The following ZNF385D variants were observed in gnomAD, a reference collection of about 807,000 sequenced individuals.
ZNF385D encodes the protein zinc finger protein 659.
A neutral mutation model predicts 35.8 loss-of-function variants in ZNF385D; 15 were observed. That is an observed-to-expected ratio of 0.42 (90% CI 0.28 to 0.64). ZNF385D has a LOEUF of 0.64. Ranked by LOEUF, ZNF385D falls within the 30% of genes least tolerant of loss-of-function variation. The probability of loss-of-function intolerance (pLI) is 0.23; values close to 1 mark genes in which losing one functional copy is unlikely to be tolerated. For synonymous variants in ZNF385D, 212 were observed against 186.8 expected, an observed-to-expected ratio of 1.13 and a Z score of -1.10; for missense variants, 474 against 494.6, an observed-to-expected ratio of 0.96 and a Z score of 0.39.
At chr3:22,008,412 G>A (rs1696356423) in intron 3 of ZNF385D, among the ~76,000 whole-genome samples, 1 of 142,026 alleles carries the variant, frequency 7.0e-6, no homozygotes, top group Non-Finnish European at 1.5e-5. Context: ...GAGTGCAGTG[G>A]CCCGATCTCG....
chr3:21,750,909 T>C lies in ZNF385D; in HGVS notation c.8A>G (p.Asn3Ser), dbSNP rs1337413591. MR[N>S]IMYFGGTCQS... is the part of the protein sequence containing the mutation. ...TGAACACTCACCAAAATACATTATG[T>C]TTCTCATTAATCAGACAGCTGGAAT... The change falls in exon 1 of 8, where the codon AAC becomes AGC. Residue 3 changes from asparagine to serine, a missense_variant. Transcript: ENST00000281523. 6.2e-7 allele frequency: 1 copy of C among 1,614,120 alleles called. No homozygotes were observed. The highest frequency in any genetic ancestry group is 1.7e-4 in the Middle Eastern group (1 of 6,060).
intron 3 of ZNF385D, among the ~76,000 whole-genome samples, chr3:21,968,409 T>A (rs149367154): frequency 1.2e-4 from 18 of 152,140 alleles, no homozygotes; most frequent in Non-Finnish European, 2.5e-4. Context: ...GAGGTACACA[T>A]GACCTAGTGA....
chr3:21,810,189 A>T (rs755292815), intron 3 of ZNF385D, among the ~76,000 whole-genome samples: 3 of 152,224 alleles, frequency 2.0e-5, no homozygotes, highest in Non-Finnish European at 4.4e-5. Context: ...AGAAAAATAC[A>T]TCATGATCAA....
intron 1 of ZNF385D, among the ~76,000 whole-genome samples, chr3:21,742,700 C>A (rs2069577366): frequency 6.6e-6 from 1 of 152,174 alleles, no homozygotes; most frequent in South Asian, 2.1e-4. Context: ...TGGGCCCTGG[C>A]CTTCAGGAGT....
chr3:21,629,351 A>G (rs912917743), intron 2 of ZNF385D, among the ~76,000 whole-genome samples: 2 of 152,122 alleles, frequency 1.3e-5, no homozygotes, highest in Admixed American at 6.6e-5. Context: ...AGCATTCTAT[A>G]AAAATTGACT....
chr3:21,584,180 G>C (rs1032215514), intron 2 of ZNF385D, among the ~76,000 whole-genome samples: 1 of 144,718 alleles, frequency 6.9e-6, no homozygotes, highest in Non-Finnish European at 1.6e-5. Flanking sequence ...CACCATCTCA[G>C]TTTGGCCAGG....
chr3:22,312,236 A>G (rs1441819978), intron 2 of ZNF385D, among the ~76,000 whole-genome samples: 1 of 152,142 alleles, frequency 6.6e-6, no homozygotes, highest in Non-Finnish European at 1.5e-5. Flanking sequence ...AACACTGAGG[A>G]AAAAAATAGA....
intron 2 of ZNF385D, among the ~76,000 whole-genome samples, chr3:21,643,233 AG>A (rs2065657386): frequency 6.6e-6 from 1 of 152,200 alleles, no homozygotes; most frequent in Admixed American, 6.5e-5. Context: ...TGCTCATGTA[AG>A]AGCTAATTTT....
intron 3 of ZNF385D, among the ~76,000 whole-genome samples, chr3:21,916,712 G>A (rs1376165053): frequency 1.3e-5 from 2 of 152,116 alleles, no homozygotes; most frequent in Non-Finnish European, 2.9e-5. Flanking sequence ...TTTTGGAAAA[G>A]GTCTGCCACA....
chr3:21,726,103 G>C (rs2068753196), intron 1 of ZNF385D, among the ~76,000 whole-genome samples: 2 of 151,984 alleles, frequency 1.3e-5, no homozygotes, highest in South Asian at 2.1e-4. Flanking sequence ...TAGATGTAGA[G>C]AAGGCCTTCG....
At chr3:21,468,281 A>G (rs906050674) in intron 4 of ZNF385D, among the ~76,000 whole-genome samples, 2 of 151,186 alleles carry the variant, frequency 1.3e-5, no homozygotes, top group Admixed American at 6.6e-5. Context: ...GGGCACCTGT[A>G]GTCCCAGCTA....
intron 2 of ZNF385D, among the ~76,000 whole-genome samples, chr3:22,301,606 T>C (rs1702905758): frequency 6.6e-6 from 1 of 152,038 alleles, no homozygotes; most frequent in Non-Finnish European, 1.5e-5. Context: ...GTAAAAACGT[T>C]CAGACATACA....
intron 2 of ZNF385D, among the ~76,000 whole-genome samples, chr3:22,340,765 A>G (rs763208795): frequency 6.6e-6 from 1 of 152,230 alleles, no homozygotes; most frequent in Admixed American, 6.5e-5. Context: ...TATGACCAGC[A>G]TAAGTAATTA....
intron 1 of ZNF385D, among the ~76,000 whole-genome samples, chr3:21,677,692 T>C (rs9820426): frequency 0.11 from 16,374 of 152,016 alleles, 980 homozygotes; most frequent in East Asian, 0.19. Context: ...AAAGCAGTCC[T>C]AATTTCAAAT....
intron 3 of ZNF385D, among the ~76,000 whole-genome samples, chr3:22,099,314 A>G (rs1048918924): frequency 6.6e-6 from 1 of 152,108 alleles, no homozygotes; most frequent in African/African-American, 2.4e-5. Context: ...TAACTTGAGG[A>G]AAGGGCTGAA....
chr3:21,559,721 G>A (rs565126159), intron 3 of ZNF385D, among the ~76,000 whole-genome samples: 11 of 152,252 alleles, frequency 7.2e-5, no homozygotes, highest in South Asian at 2.1e-4. Flanking sequence ...TGCTAGGTTG[G>A]GGAAGTTCTC....
chr3:21,800,295 T>C (rs2072336232), intron 3 of ZNF385D, among the ~76,000 whole-genome samples: 1 of 152,220 alleles, frequency 6.6e-6, no homozygotes, highest in Admixed American at 6.5e-5. Context: ...TATTGGGCTT[T>C]TGATAGGGAT....
intron 3 of ZNF385D, among the ~76,000 whole-genome samples, chr3:21,912,153 G>A (rs1010641809): frequency 2.6e-5 from 4 of 151,828 alleles, no homozygotes; most frequent in African/African-American, 9.7e-5. Context: ...CTATCGTGTT[G>A]TGAACTCTGC....
At chr3:21,758,216 G>T (rs1383909927) in intron 3 of ZNF385D, among the ~76,000 whole-genome samples, 1 of 152,146 alleles carries the variant, frequency 6.6e-6, no homozygotes, top group Non-Finnish European at 1.5e-5. Context: ...TATCCCTCCA[G>T]AAGAATGAAG....
Sources: allele counts gnomAD v4.1 joint callset (sites outside exome capture counted in the v4.1 genomes callset), GRCh38; gene constraint gnomAD v4.1.1; transcripts MANE v1.5; gene names NCBI Gene and HGNC (gene_info 2026-07-23, HGNC 2026-07-21).